Variants in DNER observed in about 807,000 individuals in gnomAD.
The protein encoded by DNER is delta and Notch-like epidermal growth factor-related receptor.
DNER carries 33 observed loss-of-function variants against 78.2 expected under a neutral mutation model. That is an observed-to-expected ratio of 0.42 (90% CI 0.32 to 0.56). DNER has a LOEUF of 0.56. DNER is among the 20% of genes least tolerant of loss of function. The pLI, the probability that DNER is intolerant of heterozygous loss-of-function variation, is 0.11. For synonymous variants in DNER, 417 were observed against 384.8 expected (o/e 1.08, Z -0.98); for missense variants, 918 against 975.3 (o/e 0.94, Z 0.78).
chr2:229,564,814 A>G (rs571286012), intron 4 of DNER, among the ~76,000 whole-genome samples: 1 of 152,276 alleles, frequency 6.6e-6, no homozygotes, highest in African/African-American at 2.4e-5. Context: ...GGTGGCTGTA[A>G]TGAATGACCA....
chr2:229,522,269 T>A (rs954072756), intron 5 of DNER, among the ~76,000 whole-genome samples: 5 of 152,180 alleles, frequency 3.3e-5, no homozygotes, highest in African/African-American at 1.2e-4. Context: ...ACTAGATATG[T>A]GGGTTGGCAG....
intron 1 of DNER, among the ~76,000 whole-genome samples, chr2:229,613,934 C>A (rs1189472071): frequency 1.3e-5 from 2 of 150,438 alleles, no homozygotes; most frequent in South Asian, 2.1e-4. Context: ...GGACAAAAAA[C>A]CAAACACCGC....
intron 1 of DNER, among the ~76,000 whole-genome samples, chr2:229,706,991 A>G (rs1699837013): frequency 6.6e-6 from 1 of 152,068 alleles, no homozygotes; most frequent in Non-Finnish European, 1.5e-5. Flanking sequence ...GATTTAGTTC[A>G]TCAGAAAAGG....
intron 1 of DNER, among the ~76,000 whole-genome samples, chr2:229,593,327 A>C (rs1697643425): frequency 6.6e-6 from 1 of 151,846 alleles, no homozygotes. Context: ...GTTGATTCCC[A>C]CCTCAGGCCC....
chr2:229,426,149 A>G (rs904432630), intron 8 of DNER, among the ~76,000 whole-genome samples: 23 of 152,250 alleles, frequency 1.5e-4, no homozygotes, highest in Admixed American at 5.2e-4. Context: ...CATAGTAGTT[A>G]AAGATATGGG....
intron 10 of DNER, among the ~76,000 whole-genome samples, chr2:229,406,438 A>G (rs1420001855): frequency 6.6e-6 from 1 of 152,100 alleles, no homozygotes; most frequent in African/African-American, 2.4e-5. Flanking sequence ...CAGGGGATGG[A>G]ACATTTTGTC....
intron 5 of DNER, among the ~76,000 whole-genome samples, chr2:229,533,775 T>A: frequency 6.6e-6 from 1 of 152,184 alleles, no homozygotes; most frequent in East Asian, 1.9e-4. Flanking sequence ...ATATTTTCTC[T>A]CAAATGAACA....
At chr2:229,567,277 A>C (rs1435018738) in intron 4 of DNER, among the ~76,000 whole-genome samples, 1 of 152,210 alleles carries the variant, frequency 6.6e-6, no homozygotes, top group Admixed American at 6.5e-5. Context: ...TCTGCACCCT[A>C]CTAAAACCTA....
intron 5 of DNER, among the ~76,000 whole-genome samples, chr2:229,516,733 T>C (rs1695980035): frequency 6.8e-6 from 1 of 146,900 alleles, no homozygotes; most frequent in Admixed American, 7.0e-5. Flanking sequence ...TGCAGTGAGC[T>C]ATGATCATGC....
At chr2:229,401,669 T>C (rs1027421394) in intron 10 of DNER, among the ~76,000 whole-genome samples, 4 of 151,978 alleles carry the variant, frequency 2.6e-5, no homozygotes, top group Non-Finnish European at 4.4e-5. Flanking sequence ...TTAAAGACAG[T>C]TGTGGCGCAA....
intron 1 of DNER, among the ~76,000 whole-genome samples, chr2:229,603,377 T>A (rs1002104936): frequency 6.6e-6 from 1 of 152,140 alleles, no homozygotes; most frequent in African/African-American, 2.4e-5. Context: ...CAAACCTGCA[T>A]GTTGTGCACA....
chr2:229,438,039 C>T (rs936294752), intron 8 of DNER, among the ~76,000 whole-genome samples: 12 of 152,110 alleles, frequency 7.9e-5, no homozygotes, highest in African/African-American at 2.4e-4. Flanking sequence ...TAGGTGCATC[C>T]GGCAGGCATC....
intron 9 of DNER, among the ~76,000 whole-genome samples, chr2:229,413,205 CTGT>C (rs1693561593): frequency 6.6e-6 from 1 of 151,654 alleles, no homozygotes; most frequent in African/African-American, 2.4e-5. Context: ...TTTTGGTTAT[CTGT>C]CCATTCTTGC....
chr2:229,388,750 G>A (rs902578679), intron 10 of DNER, among the ~76,000 whole-genome samples: 19 of 146,858 alleles, frequency 1.3e-4, no homozygotes, highest in Non-Finnish European at 1.4e-4. Context: ...AAATCTTTCC[G>A]GGTTGATCAG....
At chr2:229,410,439 G>A (rs1693485776) in intron 9 of DNER, among the ~76,000 whole-genome samples, 1 of 152,200 alleles carries the variant, frequency 6.6e-6, no homozygotes, top group Non-Finnish European at 1.5e-5. Context: ...CTGACACACA[G>A]GTGAGGCTGC....
chr2:229,407,445 G>A, intron 9 of DNER, 100 bp from the exon 10 acceptor site: 2 of 1,002,508 alleles, frequency 2.0e-6, no homozygotes, highest in Admixed American at 2.1e-5. Context: ...ATGCGAGGGA[G>A]ATTCCCAGCG....
rs75507791 is a variant in DNER at position 229,467,128 on chromosome 2, G to A, written c.1261+10012C>T. ...CCTTGTGAGTGTCCTGGGTCGCAGC[G>A]GCCAAGGGCATTGCTAAGGGTAGGC... On this transcript the variant is annotated intron_variant, in intron 7 of 12. Transcript: ENST00000341772. 5.8e-3 allele frequency among the ~76,000 whole-genome samples: 876 copies of A among 152,270 alleles called. 11 individuals carry two copies. Among genetic ancestry groups the A allele is most frequent in the African/African-American group, 0.02 (835 of 41,554 alleles).
chr2:229,432,313 AG>A (rs1027282056), intron 8 of DNER, among the ~76,000 whole-genome samples: 3 of 152,302 alleles, frequency 2.0e-5, no homozygotes, highest in Admixed American at 2.0e-4. Context: ...CTCACATTCC[AG>A]AAGTTTTTCA....
chr2:229,688,716 C>G (rs182961248), intron 1 of DNER, among the ~76,000 whole-genome samples: 2 of 152,228 alleles, frequency 1.3e-5, no homozygotes, highest in East Asian at 3.9e-4. Flanking sequence ...TTAAAATAAA[C>G]CTATTCATGG....
Sources: allele counts gnomAD v4.1 joint callset (sites outside exome capture counted in the v4.1 genomes callset), GRCh38; gene constraint gnomAD v4.1.1; transcripts MANE v1.5; gene names NCBI Gene and HGNC (gene_info 2026-07-23, HGNC 2026-07-21).